Variants in RBFOX1 observed in about 807,000 individuals in gnomAD.
RBFOX1 encodes the protein RNA binding fox-1 homolog 1, also known as RNA binding protein fox-1 homolog 1.
RBFOX1 carries 8 observed loss-of-function variants against 57.7 expected under a neutral mutation model. The observed-to-expected ratio is 0.14, with a 90% CI of 0.08 to 0.25. The LOEUF (loss-of-function observed/expected upper bound fraction) is 0.25, where lower values mean the gene tolerates loss of function less well. Ranked by LOEUF, RBFOX1 falls within the 10% of genes least tolerant of loss-of-function variation. The probability of loss-of-function intolerance (pLI) is 1.00; values close to 1 mark genes in which losing one functional copy is unlikely to be tolerated. For synonymous variants in RBFOX1, 326 were observed against 222.4 expected (o/e 1.47, Z -4.15); for missense variants, 611 against 548.5 (o/e 1.11, Z -1.14).
chr16:7,076,148 T>C (rs1349549477), intron 4 of RBFOX1, among the ~76,000 whole-genome samples: 1 of 151,790 alleles, frequency 6.6e-6, no homozygotes, highest in Non-Finnish European at 1.5e-5. Context: ...TTCAAGTGAT[T>C]CCCCTGCCTC....
intron 3 of RBFOX1, among the ~76,000 whole-genome samples, chr16:5,809,266 A>G (rs555072463): frequency 2.2e-4 from 34 of 152,348 alleles, no homozygotes; most frequent in African/African-American, 7.5e-4. Flanking sequence ...GGCACAGGCA[A>G]GGACTTCAAG....
At chr16:6,650,953 A>G (rs1489354105) in intron 2 of RBFOX1, among the ~76,000 whole-genome samples, 1 of 152,164 alleles carries the variant, frequency 6.6e-6, no homozygotes, top group African/African-American at 2.4e-5. Context: ...CCCAGGCTGA[A>G]GTGCAATGGC....
chr16:5,707,549 T>C (rs1040998392), intron 3 of RBFOX1, among the ~76,000 whole-genome samples: 27 of 152,286 alleles, frequency 1.8e-4, no homozygotes, highest in African/African-American at 4.8e-4. Context: ...ATCATTGAGA[T>C]AGGCAAATAT....
chr16:7,119,332 C>T (rs76679942), intron 4 of RBFOX1, among the ~76,000 whole-genome samples: 1 of 152,072 alleles, frequency 6.6e-6, no homozygotes, highest in Admixed American at 6.6e-5. Flanking sequence ...ATTGAGTCAT[C>T]AGACTTGTGG....
At chr16:5,436,115 C>T (rs566049408) in intron 1 of RBFOX1, among the ~76,000 whole-genome samples, 100 of 152,222 alleles carry the variant, frequency 6.6e-4, no homozygotes, top group Non-Finnish European at 1.2e-3. Context: ...GGGGGCAGTC[C>T]TAGAGTCATT....
chr16:6,723,281 C>A lies in RBFOX1; in HGVS notation c.-16+68631C>A, dbSNP rs150919616. On this transcript the variant is annotated intron_variant, in intron 3 of 15. Coordinates refer to ENST00000550418, the MANE Select transcript of RBFOX1 (RefSeq NM_018723.4). ...AGTTTCTTCGTGTTTCTTACCTGGA[C>A]AATCATTTAATATAGGCACCTACTG... Among the ~76,000 whole-genome samples the A allele has an allele frequency of 3.4e-4, 52 of 152,262 alleles. No individual in the cohort carries two copies. In the East Asian group the frequency reaches 8.5e-3, roughly 25 times the overall value.
intron 4 of RBFOX1, among the ~76,000 whole-genome samples, chr16:5,967,476 A>C (rs2059869470): frequency 6.6e-6 from 1 of 152,150 alleles, no homozygotes; most frequent in Admixed American, 6.6e-5. Flanking sequence ...GTGAGAAGTG[A>C]TATTTTATGA....
intron 4 of RBFOX1, among the ~76,000 whole-genome samples, chr16:5,969,444 T>C (rs2059918692): frequency 6.6e-6 from 1 of 150,608 alleles, no homozygotes; most frequent in Non-Finnish European, 1.5e-5. Context: ...CCCAAGTAGC[T>C]GGGATTACAG....
intron 2 of RBFOX1, among the ~76,000 whole-genome samples, chr16:5,472,247 C>T (rs761292333): frequency 3.3e-5 from 5 of 152,154 alleles, no homozygotes; most frequent in Admixed American, 6.5e-5. Flanking sequence ...CTTCCACCCA[C>T]GAGGCATAGG....
chr16:5,709,099 C>G (rs1321052160), intron 3 of RBFOX1, among the ~76,000 whole-genome samples: 1 of 152,134 alleles, frequency 6.6e-6, no homozygotes. Flanking sequence ...CTTGCCTAAC[C>G]TTGCTAATGT....
chr16:5,383,038 A>C (rs1164813789), intron 1 of RBFOX1, among the ~76,000 whole-genome samples: 1 of 152,190 alleles, frequency 6.6e-6, no homozygotes, highest in Non-Finnish European at 1.5e-5. Context: ...CATGCTATAA[A>C]GCGACCACCT....
intron 3 of RBFOX1, among the ~76,000 whole-genome samples, chr16:5,681,728 G>C (rs767105856): frequency 6.6e-6 from 1 of 152,068 alleles, no homozygotes; most frequent in Admixed American, 6.6e-5. Context: ...GGATAAAATT[G>C]ACGTAATGCA....
chr16:5,408,703 C>T (rs1439459256), intron 1 of RBFOX1, among the ~76,000 whole-genome samples: 2 of 152,244 alleles, frequency 1.3e-5, no homozygotes, highest in Admixed American at 6.5e-5. Context: ...ATGGTGCCAG[C>T]ATCTGCTCAG....
chr16:7,707,455 C>T (rs991030573), intron 14 of RBFOX1, among the ~76,000 whole-genome samples: 17 of 152,186 alleles, frequency 1.1e-4, no homozygotes, highest in African/African-American at 3.1e-4. Context: ...GGATGAGAGA[C>T]GAGCTGAAGG....
rs1301390759 is a variant in RBFOX1 at position 5,687,029 on chromosome 16, T to C, written c.318+88068T>C. On this transcript the variant is annotated intron_variant, in intron 3 of 19. Transcript: ENST00000641259. ...GATACCCATGCTGCGTTGGGATCTATTGCAAGAAGGATTACTCACTCATAT... is the reference window on the plus strand; with the variant it reads ...GATACCCATGCTGCGTTGGGATCTACTGCAAGAAGGATTACTCACTCATAT... Among the ~76,000 whole-genome samples the C allele has an allele frequency of 3.9e-5, 6 of 152,300 alleles. No individual in the cohort carries two copies. In the East Asian group the frequency reaches 1.2e-3, roughly 29 times the overall value.
intron 4 of RBFOX1, among the ~76,000 whole-genome samples, chr16:7,094,795 G>GTGTGTGTGTGTGTGT (rs1567232876): frequency 3.6e-5 from 3 of 82,346 alleles, no homozygotes; most frequent in African/African-American, 6.4e-5. Flanking sequence ...TGTGTGTTGA[G>GTGTGTGTGTGTGTGT]AGAGAGAGAG....
At chr16:6,839,755 G>A (rs767125091) in intron 3 of RBFOX1, among the ~76,000 whole-genome samples, 26 of 152,166 alleles carry the variant, frequency 1.7e-4, no homozygotes, top group Non-Finnish European at 3.4e-4. Flanking sequence ...AGAAAATTAA[G>A]CAGTTGAAAC....
intron 3 of RBFOX1, among the ~76,000 whole-genome samples, chr16:5,789,779 C>A (rs1161578595): frequency 6.6e-6 from 1 of 152,178 alleles, no homozygotes; most frequent in Non-Finnish European, 1.5e-5. Context: ...TGCTCAAGTC[C>A]TAATCTGATC....
intron 3 of RBFOX1, among the ~76,000 whole-genome samples, chr16:6,842,068 G>T (rs140853923): frequency 1.3e-5 from 2 of 151,698 alleles, no homozygotes; most frequent in African/African-American, 4.8e-5. Flanking sequence ...GCGTGAACCC[G>T]GGAGGCGGAA....
Sources: allele counts gnomAD v4.1 joint callset (sites outside exome capture counted in the v4.1 genomes callset), GRCh38; gene constraint gnomAD v4.1.1; transcripts MANE v1.5; gene names NCBI Gene and HGNC (gene_info 2026-07-23, HGNC 2026-07-21).